Variants in FRMD4B observed in about 807,000 individuals in gnomAD.
FRMD4B encodes the protein FERM domain containing 4B.
In FRMD4B, 74 loss-of-function variants were observed where a neutral mutation model predicts 141.5. That is an observed-to-expected ratio of 0.52 (90% CI 0.43 to 0.63). The LOEUF (loss-of-function observed/expected upper bound fraction) is 0.63, where lower values mean the gene tolerates loss of function less well. FRMD4B is among the 30% of genes least tolerant of loss of function. The pLI, the probability that FRMD4B is intolerant of heterozygous loss-of-function variation, is 0.00. For missense variants in FRMD4B, 1,366 were observed against 1,253.4 expected, an observed-to-expected ratio of 1.09 and a Z score of -1.36; for synonymous variants, 506 against 467.9, an observed-to-expected ratio of 1.08 and a Z score of -1.05.
chr3:69,242,787 G>A (rs2093395681), intron 7 of FRMD4B, among the ~76,000 whole-genome samples: 2 of 151,354 alleles, frequency 1.3e-5, no homozygotes, highest in African/African-American at 4.9e-5. Flanking sequence ...GAGGTCAGGA[G>A]TTCAACACCA....
chr3:69,411,498 C>T (rs1415496269), intron 2 of FRMD4B, among the ~76,000 whole-genome samples: 3 of 152,096 alleles, frequency 2.0e-5, no homozygotes, highest in Non-Finnish European at 2.9e-5. Flanking sequence ...TGTTTTTCAT[C>T]CTACAGGATA....
At chr3:69,343,417 C>G (rs532492302) in intron 1 of FRMD4B, among the ~76,000 whole-genome samples, 7 of 152,190 alleles carry the variant, frequency 4.6e-5, no homozygotes, top group Non-Finnish European at 8.8e-5. Flanking sequence ...AAAACAGAAC[C>G]TTTAACCACG....
At chr3:69,256,829 A>ACATCATT (rs2093496123) in intron 5 of FRMD4B, among the ~76,000 whole-genome samples, 1 of 152,322 alleles carries the variant, frequency 6.6e-6, no homozygotes, top group South Asian at 2.1e-4. Context: ...TCCTTTGGGT[A>ACATCATT]CATCATTTTC....
At chr3:69,287,594 T>C in intron 5 of FRMD4B, 158 bp downstream of exon 5, 1 of 596,414 alleles carries the variant, frequency 1.7e-6, no homozygotes, top group South Asian at 2.0e-5. Flanking sequence ...ATACCATTTG[T>C]GTATGTGTGT....
At chr3:69,267,616 TATATATATATATATATATATAGAGAGAG>T (rs2093570934) in intron 5 of FRMD4B, among the ~76,000 whole-genome samples, 29 of 98,724 alleles carry the variant, frequency 2.9e-4, no homozygotes, top group Middle Eastern at 5.4e-3. Flanking sequence ...TATATATATA[TATATATATATATATATATATAGAGAGAG>T]AGAGAGAGAG....
chr3:69,372,710 C>T (rs1703860794), intron 1 of FRMD4B, among the ~76,000 whole-genome samples: 1 of 151,730 alleles, frequency 6.6e-6, no homozygotes, highest in Non-Finnish European at 1.5e-5. Flanking sequence ...ATGATGATAT[C>T]TGATAGAATG....
At chr3:69,246,898 GAAC>G (rs1344174479) in intron 7 of FRMD4B, among the ~76,000 whole-genome samples, 3 of 152,318 alleles carry the variant, frequency 2.0e-5, no homozygotes, top group Non-Finnish European at 4.4e-5. Flanking sequence ...TCAAATGTTT[GAAC>G]AACTGAAGGA....
At chr3:69,354,492 A>G (rs1703256439) in intron 1 of FRMD4B, among the ~76,000 whole-genome samples, 1 of 152,190 alleles carries the variant, frequency 6.6e-6, no homozygotes, top group Non-Finnish European at 1.5e-5. Context: ...GACTCTCTAG[A>G]GTCAGAGAAA....
intron 1 of FRMD4B, among the ~76,000 whole-genome samples, chr3:69,325,744 G>T (rs945504244): frequency 6.6e-6 from 1 of 152,122 alleles, no homozygotes; most frequent in Non-Finnish European, 1.5e-5. Context: ...GATGATAATT[G>T]TATCATCAGT....
chr3:69,384,390 C>A (rs1472030198), intron 1 of FRMD4B, among the ~76,000 whole-genome samples: 1 of 152,100 alleles, frequency 6.6e-6, no homozygotes, highest in Non-Finnish European at 1.5e-5. Flanking sequence ...TTTGCGTTCC[C>A]TTTTTGAAAG....
chr3:69,413,740 G>A lies in FRMD4B; in HGVS notation c.-1+18894C>T, dbSNP rs181450043. 2.3e-3 allele frequency among the ~76,000 whole-genome samples: 343 copies of A among 152,084 alleles called. 3 individuals carry two copies. Among genetic ancestry groups the A allele is most frequent in the African/African-American group, 7.9e-3 (326 of 41,496 alleles). On this transcript the variant is annotated intron_variant, in intron 2 of 5. Transcript: ENST00000459638. ...AGGGAATGTGACGCATTCACCACAC[G>A]TCCAAAAGATGTGCAGCGTTTCACA...
At chr3:69,414,582 TG>T (rs1185847435) in intron 2 of FRMD4B, among the ~76,000 whole-genome samples, 11 of 152,236 alleles carry the variant, frequency 7.2e-5, no homozygotes, top group Admixed American at 7.2e-4. Flanking sequence ...CCCAAAGTGC[TG>T]GGATTAGGGT....
At chr3:69,224,577 T>G in intron 8 of FRMD4B, 30 bp downstream of exon 8, 109 of 1,043,628 alleles carry the variant, frequency 1.0e-4, no homozygotes, top group Non-Finnish European at 1.5e-4. Context: ...GCTATGAAAA[T>G]GAGACACCTG....
intron 6 of FRMD4B, among the ~76,000 whole-genome samples, 170 bp downstream of exon 6, chr3:69,249,873 C>A (rs913958104): frequency 1.1e-4 from 16 of 152,118 alleles, no homozygotes; most frequent in African/African-American, 3.9e-4. Context: ...GTAGCTCATG[C>A]AAACTATTCT....
At chr3:69,186,154 C>T (rs1039217932) in intron 19 of FRMD4B, among the ~76,000 whole-genome samples, 5 of 150,852 alleles carry the variant, frequency 3.3e-5, no homozygotes, top group Admixed American at 6.6e-5. Context: ...ATTGCCACAA[C>T]GATAGTGAAT....
intron 4 of FRMD4B, among the ~76,000 whole-genome samples, chr3:69,297,913 A>G (rs545335651): frequency 5.3e-5 from 5 of 94,502 alleles, no homozygotes; most frequent in East Asian, 2.6e-4. Flanking sequence ...TTGAGATTTT[A>G]TAACTGGAAA....
At chr3:69,455,469 C>T (rs1018798367) in intron 1 of FRMD4B, among the ~76,000 whole-genome samples, 1 of 152,170 alleles carries the variant, frequency 6.6e-6, no homozygotes, top group Non-Finnish European at 1.5e-5. Flanking sequence ...GACATGCCAC[C>T]TTGAGAGCTG....
chr3:69,493,445 C>A (rs535021675), intron 1 of FRMD4B, among the ~76,000 whole-genome samples: 1 of 152,238 alleles, frequency 6.6e-6, no homozygotes, highest in Non-Finnish European at 1.5e-5. Context: ...ATTTTGCTAG[C>A]CAAACAAAAC....
chr3:69,511,520 TG>T (rs1480084639), intron 1 of FRMD4B, among the ~76,000 whole-genome samples: 2 of 152,132 alleles, frequency 1.3e-5, no homozygotes, highest in African/African-American at 4.8e-5. Flanking sequence ...GTGGTGGCCA[TG>T]GAAACACAAC....
Sources: gnomAD v4.1 joint callset for allele counts (sites outside exome capture counted in the v4.1 genomes callset) on GRCh38, gnomAD v4.1.1 for gene constraint, MANE v1.5 for transcripts, NCBI Gene and HGNC (gene_info 2026-07-23, HGNC 2026-07-21) for gene names.